The following HIPK3 variants were observed in gnomAD, a reference collection of about 807,000 sequenced individuals.
HIPK3 encodes the protein homeodomain-interacting protein kinase 3.
In HIPK3, 47 loss-of-function variants were observed where a neutral mutation model predicts 124.2. The observed-to-expected ratio is 0.38, with a 90% CI of 0.30 to 0.48. The LOEUF (loss-of-function observed/expected upper bound fraction) is 0.48. Among genes scored for constraint, HIPK3 ranks in the 20% least tolerant of loss-of-function variants. HIPK3 has a pLI of 0.98. For synonymous variants in HIPK3, 482 were observed against 515.2 expected (o/e 0.94, Z 0.87); for missense variants, 1,286 against 1,454.3 (o/e 0.88, Z 1.88).
chr11:33,339,507 A>G lies in HIPK3; in HGVS notation c.1586A>G (p.His529Arg). Residue 529 changes from histidine (H) to arginine (R), a missense_variant, in exon 6 of 17, where the codon CAT becomes CGT. This residue lies in a region of HIPK3 where 810 missense variants were observed against 864.9 expected (regional missense o/e 0.94). Coordinates refer to ENST00000303296, the MANE Select transcript of HIPK3 (RefSeq NM_005734.5). ...TLNHPFVNMK[H>R]LLDFPHSNHV... ...AACCATCCTTTTGTTAATATGAAAC[A>G]TCTTCTAGATTTCCCTCATAGCAAC... The G allele has an allele frequency of 6.2e-7, 1 of 1,604,986 alleles. No homozygotes were observed. Among genetic ancestry groups the G allele is most frequent in the Non-Finnish European group, 8.5e-7 (1 of 1,173,626 alleles).
chr11:33,286,399 T>A lies in HIPK3; in HGVS notation c.-2-14T>A. The stretch of plus-strand genomic sequence containing the variant: ...TCCTTTTTTTTCTTTTCCTTTTTTT[T>A]TTTTTTTTTGCAGGTATGGCCTCAC... On this transcript the variant is annotated splice_polypyrimidine_tract_variant and intron_variant, in intron 1 of 16. Coordinates refer to ENST00000303296, the MANE Select transcript of HIPK3 (RefSeq NM_005734.5). 7.7e-7 allele frequency: 1 copy of A among 1,294,752 alleles called. No individual in the cohort carries two copies. Among genetic ancestry groups the A allele is most frequent in the Non-Finnish European group, 9.8e-7 (1 of 1,016,784 alleles). 80.2% of individuals were successfully genotyped at this position (1,294,752 alleles called of 1,614,324 possible).
intron 2 of HIPK3, among the ~76,000 whole-genome samples, chr11:33,299,221 C>T (rs1421980870): frequency 6.6e-6 from 1 of 151,588 alleles, no homozygotes; most frequent in Non-Finnish European, 1.5e-5. Context: ...CGCCTGTAAT[C>T]CTAGCACTTT....
chr11:33,352,266 G>A lies in HIPK3; in HGVS notation c.3171+1G>A. 1.2e-6 allele frequency: 2 copies of A among 1,613,784 alleles called. No individual in the cohort carries two copies. The highest frequency in any genetic ancestry group is 1.7e-6 in the Non-Finnish European group (2 of 1,179,828). ...GCAGCAGCATTTGAACTTCAGTCAG[G>A]TATGTTCATTTGTGGATATGTAGGA... is the stretch of plus-strand genomic sequence containing the variant. On this transcript the variant is annotated splice_donor_variant, in intron 16 of 16. Coordinates refer to ENST00000303296, the MANE Select transcript of HIPK3 (RefSeq NM_005734.5). LOFTEE classifies it high-confidence loss of function.
intron 2 of HIPK3, among the ~76,000 whole-genome samples, chr11:33,326,849 T>A (rs1051158719): frequency 5.9e-5 from 9 of 151,816 alleles, no homozygotes; most frequent in South Asian, 4.2e-4. Flanking sequence ...TAAAAAAAAT[T>A]TTTTCTTTTT....
chr11:33,322,161 A>G (rs1307345502), intron 2 of HIPK3, among the ~76,000 whole-genome samples: 1 of 151,780 alleles, frequency 6.6e-6, no homozygotes, highest in Non-Finnish European at 1.5e-5. Flanking sequence ...CACCACACCC[A>G]GCTAATTTTT....
rs1851396699 is a variant in HIPK3 at position 33,280,977 on chromosome 11, T to C, written c.-2-5436T>C. Reference sequence around the variant, plus strand: ...CATGGCCCTGGGAGCTTGTACACTTTCAGATGCCTGGACCTTATCACAGAC... The same window carrying C: ...CATGGCCCTGGGAGCTTGTACACTTCCAGATGCCTGGACCTTATCACAGAC... On this transcript the variant is annotated intron_variant, in intron 1 of 16. Transcript: ENST00000303296. Among the ~76,000 whole-genome samples, 2 of 152,104 alleles carry C rather than the reference T, an allele frequency of 1.3e-5. 1 individual carries two copies. The highest frequency in any genetic ancestry group is 4.8e-5 in the African/African-American group (2 of 41,416).
chr11:33,268,490 C>A (rs1258284008), intron 1 of HIPK3, among the ~76,000 whole-genome samples: 8 of 144,430 alleles, frequency 5.5e-5, no homozygotes, highest in Non-Finnish European at 5.9e-5. Flanking sequence ...ACTCGGGAGA[C>A]TGAGACAGAA....
chr11:33,309,735 T>C (rs1852267150), intron 2 of HIPK3, among the ~76,000 whole-genome samples: 1 of 152,214 alleles, frequency 6.6e-6, no homozygotes, highest in African/African-American at 2.4e-5. Flanking sequence ...CATTTATCAA[T>C]CCATTTTTAT....
intron 2 of HIPK3, among the ~76,000 whole-genome samples, chr11:33,324,368 A>T (rs1350423663): frequency 6.6e-6 from 1 of 152,232 alleles, no homozygotes; most frequent in Non-Finnish European, 1.5e-5. Context: ...TGATATACAT[A>T]GAAAATGCAT....
At chr11:33,321,621 T>G (rs942014093) in intron 2 of HIPK3, among the ~76,000 whole-genome samples, 2 of 152,162 alleles carry the variant, frequency 1.3e-5, no homozygotes, top group Admixed American at 6.5e-5. Context: ...CTATTTATTT[T>G]AGTAAAGTAG....
At chr11:33,283,964 C>T (rs112472729) in intron 1 of HIPK3, among the ~76,000 whole-genome samples, 5 of 152,062 alleles carry the variant, frequency 3.3e-5, no homozygotes, top group Admixed American at 2.0e-4. Flanking sequence ...CATGAGCCAC[C>T]GTGCCTGGCC....
Position 33,337,160 on chromosome 11 carries a change from A to T in HIPK3, c.1307A>T (p.Glu436Val). The T allele has an allele frequency of 6.4e-7, 1 of 1,566,530 alleles. No individual in the cohort carries two copies. The highest frequency in any genetic ancestry group is 1.7e-5 in the Admixed American group (1 of 59,328). ...GTKSTRFFCKETDMSHSGWRL... is the reference protein window; with the variant it reads ...GTKSTRFFCKVTDMSHSGWRL... ...AAATCCACAAGATTTTTTTGCAAAG[A>T]AACAGATATGTCTCATTCTGGTTGG... Residue 436 changes from glutamate (E) to valine (V), a missense_variant, in exon 4 of 17, where the codon GAA becomes GTA. Transcript: ENST00000303296.
chr11:33,306,900 A>C (rs1356029526), intron 2 of HIPK3, among the ~76,000 whole-genome samples: 1 of 151,780 alleles, frequency 6.6e-6, no homozygotes, highest in East Asian at 1.9e-4. Context: ...GAATCTTTGA[A>C]AGAAGTGGCT....
chr11:33,325,643 A>C (rs960461170), intron 2 of HIPK3, among the ~76,000 whole-genome samples: 1 of 152,210 alleles, frequency 6.6e-6, no homozygotes, highest in Non-Finnish European at 1.5e-5. Flanking sequence ...GTACTCTGAT[A>C]CTTTTCTTTG....
chr11:33,261,922 G>A (rs1372505000), intron 1 of HIPK3, among the ~76,000 whole-genome samples: 1 of 152,134 alleles, frequency 6.6e-6, no homozygotes, highest in African/African-American at 2.4e-5. Flanking sequence ...TGACTGGTGT[G>A]AGATGGTATC....
intron 2 of HIPK3, among the ~76,000 whole-genome samples, chr11:33,289,254 A>G (rs1347742888): frequency 6.6e-6 from 1 of 152,118 alleles, no homozygotes; most frequent in Non-Finnish European, 1.5e-5. Context: ...AGCCTGGGCA[A>G]CAGAGCGAGA....
chr11:33,266,304 GTTTAC>G (rs989624558), intron 1 of HIPK3, among the ~76,000 whole-genome samples: 4 of 88,510 alleles, frequency 4.5e-5, no homozygotes, highest in South Asian at 3.5e-4. Context: ...CTTCTAGGCT[GTTTAC>G]TTTATTAAAA....
intron 1 of HIPK3, among the ~76,000 whole-genome samples, 174 bp from the exon 2 acceptor site, chr11:33,286,235 ATAGT>A (rs574999917): frequency 3.5e-4 from 53 of 152,204 alleles, no homozygotes; most frequent in African/African-American, 1.2e-3. Context: ...TATTATAAAG[ATAGT>A]TATCTTCTCC....
intron 2 of HIPK3, among the ~76,000 whole-genome samples, chr11:33,311,710 A>G (rs550772219): frequency 2.1e-4 from 32 of 152,128 alleles, no homozygotes; most frequent in South Asian, 2.1e-3. Flanking sequence ...TTTTGTTTTT[A>G]AAGAGTTGAA....
Sources: gnomAD v4.1 joint callset for allele counts (sites outside exome capture counted in the v4.1 genomes callset) on GRCh38, gnomAD v4.1.1 for gene constraint, gnomAD v4.1.1 regional missense constraint, MANE v1.5 for transcripts, NCBI Gene and HGNC (gene_info 2026-07-23, HGNC 2026-07-21) for gene names.